The following RBFOX1 variants were observed in gnomAD, a reference collection of about 807,000 sequenced individuals.
RBFOX1 encodes RNA binding protein fox-1 homolog 1.
In RBFOX1, 8 loss-of-function variants were observed where a neutral mutation model predicts 57.7. The observed-to-expected ratio is 0.14, with a 90% CI of 0.08 to 0.25. The LOEUF is 0.25. RBFOX1 is among the 10% of genes least tolerant of loss of function. RBFOX1 has a pLI of 1.00. For missense variants in RBFOX1, 611 were observed against 548.5 expected (o/e 1.11, Z -1.14); for synonymous variants, 326 against 222.4 (o/e 1.47, Z -4.15).
At chr16:7,548,650 C>T (rs1351575111) in intron 5 of RBFOX1, among the ~76,000 whole-genome samples, 2 of 152,192 alleles carry the variant, frequency 1.3e-5, no homozygotes, top group African/African-American at 2.4e-5. Flanking sequence ...GGCAGTCAAA[C>T]AAGTCCAAAG....
At chr16:6,997,695 C>G (rs991783671) in intron 3 of RBFOX1, among the ~76,000 whole-genome samples, 4 of 152,076 alleles carry the variant, frequency 2.6e-5, no homozygotes, top group African/African-American at 9.7e-5. Flanking sequence ...CAGAAGAAAA[C>G]TTTTGGTTAA....
intron 1 of RBFOX1, among the ~76,000 whole-genome samples, chr16:5,315,744 A>G (rs1390991107): frequency 6.6e-6 from 1 of 152,162 alleles, no homozygotes; most frequent in Non-Finnish European, 1.5e-5. Flanking sequence ...TCAGTCCTGC[A>G]TTGCTCCCTT....
chr16:7,518,444 T>G (rs751578994), intron 5 of RBFOX1, 55 bp downstream of exon 5: 5 of 1,550,918 alleles, frequency 3.2e-6, no homozygotes, highest in Non-Finnish European at 3.5e-6. Context: ...CCCCCAGCCC[T>G]GGTAATGGCA....
chr16:7,117,141 G>A (rs1230890911), intron 4 of RBFOX1, among the ~76,000 whole-genome samples: 1 of 152,118 alleles, frequency 6.6e-6, no homozygotes, highest in East Asian at 1.9e-4. Context: ...AGAAAAGATA[G>A]TAAAGTGAGG....
chr16:7,292,229 G>T (rs9934001), intron 4 of RBFOX1, among the ~76,000 whole-genome samples: 14,914 of 102,136 alleles, frequency 0.15, 1,412 homozygotes, highest in Middle Eastern at 0.24. Context: ...ATATGATATA[G>T]AACGTATTAT....
intron 3 of RBFOX1, among the ~76,000 whole-genome samples, chr16:6,846,248 C>G (rs915876059): frequency 2.6e-5 from 4 of 152,138 alleles, no homozygotes; most frequent in Admixed American, 2.0e-4. Flanking sequence ...ATAGCTTCAC[C>G]TCCTATTACG....
At chr16:6,670,553 C>G (rs963510647) in intron 3 of RBFOX1, among the ~76,000 whole-genome samples, 2 of 152,144 alleles carry the variant, frequency 1.3e-5, no homozygotes, top group African/African-American at 2.4e-5. Flanking sequence ...CATAAGTAGA[C>G]TTAAACACCC....
intron 3 of RBFOX1, among the ~76,000 whole-genome samples, chr16:6,947,797 G>A (rs1029934430): frequency 2.0e-5 from 3 of 152,036 alleles, no homozygotes; most frequent in African/African-American, 7.2e-5. Flanking sequence ...ATTTTTTGGA[G>A]ATGGAGTCTT....
intron 1 of RBFOX1, among the ~76,000 whole-genome samples, chr16:6,252,860 G>A (rs183696097): frequency 6.6e-6 from 1 of 152,166 alleles, no homozygotes; most frequent in Non-Finnish European, 1.5e-5. Flanking sequence ...AATGGATCGT[G>A]TAGGCACAGC....
At chr16:7,066,256 T>C (rs965699971) in intron 4 of RBFOX1, among the ~76,000 whole-genome samples, 5 of 152,228 alleles carry the variant, frequency 3.3e-5, no homozygotes, top group South Asian at 2.1e-4. Flanking sequence ...CCCAGGTCTA[T>C]ATTCACTTGT....
At chr16:6,802,964 A>C (rs1431920554) in intron 3 of RBFOX1, among the ~76,000 whole-genome samples, 1 of 152,158 alleles carries the variant, frequency 6.6e-6, no homozygotes, top group Non-Finnish European at 1.5e-5. Flanking sequence ...CTTCCACAAC[A>C]ATTTTTATTT....
At chr16:6,057,759 C>G (rs565515059) in intron 1 of RBFOX1, among the ~76,000 whole-genome samples, 3 of 146,682 alleles carry the variant, frequency 2.0e-5, no homozygotes, top group Admixed American at 6.8e-5. Flanking sequence ...AAATTTCTTG[C>G]AATTTTCTCA....
intron 4 of RBFOX1, among the ~76,000 whole-genome samples, chr16:7,287,498 C>T (rs918648249): frequency 6.6e-6 from 1 of 152,156 alleles, no homozygotes; most frequent in African/African-American, 2.4e-5. Flanking sequence ...AGCCTGTATT[C>T]CCCACAGGCC....
chr16:7,275,758 C>T (rs2095428776), intron 4 of RBFOX1, among the ~76,000 whole-genome samples: 1 of 152,194 alleles, frequency 6.6e-6, no homozygotes, highest in African/African-American at 2.4e-5. Flanking sequence ...AAAATATCCA[C>T]TTTGTGACCT....
intron 3 of RBFOX1, among the ~76,000 whole-genome samples, chr16:5,843,368 C>G (rs2056674482): frequency 6.6e-6 from 1 of 152,184 alleles, no homozygotes. Flanking sequence ...TTAGCTCCTA[C>G]TTATGAGGAT....
intron 2 of RBFOX1, among the ~76,000 whole-genome samples, chr16:6,574,452 T>C (rs1402084556): frequency 1.7e-5 from 2 of 119,772 alleles, no homozygotes; most frequent in Non-Finnish European, 3.4e-5. Context: ...TTTTTGAGAC[T>C]GAGTCTTGCT....
At chr16:7,127,411 G>T (rs958878307) in intron 4 of RBFOX1, among the ~76,000 whole-genome samples, 20 of 152,128 alleles carry the variant, frequency 1.3e-4, no homozygotes, top group Non-Finnish European at 2.6e-4. Context: ...TATGCACTTA[G>T]CCACTATTAT....
intron 4 of RBFOX1, among the ~76,000 whole-genome samples, chr16:6,009,735 T>A (rs1002198149): frequency 6.6e-6 from 1 of 152,078 alleles, no homozygotes; most frequent in Non-Finnish European, 1.5e-5. Flanking sequence ...TATTCTGTTG[T>A]TGGACAAAAT....
intron 1 of RBFOX1, among the ~76,000 whole-genome samples, chr16:6,207,841 C>T (rs1422780858): frequency 1.3e-5 from 2 of 151,994 alleles, no homozygotes; most frequent in Non-Finnish European, 2.9e-5. Flanking sequence ...ATGTATGGCA[C>T]CACATCCAGC....
Sources: allele counts gnomAD v4.1 joint callset (sites outside exome capture counted in the v4.1 genomes callset), GRCh38; gene constraint gnomAD v4.1.1; transcripts MANE v1.5; gene names NCBI Gene and HGNC (gene_info 2026-07-23, HGNC 2026-07-21).